KCND3: variants seen among roughly 807,000 people sequenced by gnomAD.
The protein encoded by KCND3 is potassium voltage-gated channel subfamily D member 3.
Under a neutral mutation model 51.1 loss-of-function variants are expected in KCND3, and 9 were observed. The ratio of observed to expected loss-of-function variants is 0.18; its 90% CI spans 0.11 to 0.31. The LOEUF (loss-of-function observed/expected upper bound fraction) is 0.31. Ranked by LOEUF, KCND3 falls within the 10% of genes least tolerant of loss-of-function variation. The pLI is 1.00. For missense variants in KCND3, 526 were observed against 903.8 expected, an observed-to-expected ratio of 0.58 and a Z score of 5.36; for synonymous variants, 349 against 368.0, an observed-to-expected ratio of 0.95 and a Z score of 0.59.
chr1:111,885,306 C>G (rs1669518979), intron 2 of KCND3, among the ~76,000 whole-genome samples: 1 of 152,146 alleles, frequency 6.6e-6, no homozygotes, highest in Non-Finnish European at 1.5e-5. Context: ...CCTCTACTAA[C>G]AGAACTCTTA....
intron 2 of KCND3, among the ~76,000 whole-genome samples, chr1:111,813,024 C>T (rs1424662654): frequency 6.6e-6 from 1 of 152,106 alleles, no homozygotes; most frequent in African/African-American, 2.4e-5. Flanking sequence ...GTGGGGTGCT[C>T]CCACGAGAGT....
intron 2 of KCND3, among the ~76,000 whole-genome samples, chr1:111,863,079 A>G (rs1264889231): frequency 6.6e-6 from 1 of 152,242 alleles, no homozygotes; most frequent in African/African-American, 2.4e-5. Context: ...AGGAAAATAC[A>G]TTTATTGAAT....
At chr1:111,827,247 G>A (rs1244709884) in intron 2 of KCND3, among the ~76,000 whole-genome samples, 2 of 152,242 alleles carry the variant, frequency 1.3e-5, no homozygotes, top group African/African-American at 4.8e-5. Flanking sequence ...CGCAGATGAC[G>A]GTTGGAATTG....
At chr1:111,949,988 G>A (rs1000919286) in intron 2 of KCND3, among the ~76,000 whole-genome samples, 2 of 152,178 alleles carry the variant, frequency 1.3e-5, no homozygotes, top group Non-Finnish European at 2.9e-5. Flanking sequence ...TCAGCTCACT[G>A]CAACCTCCAC....
At chr1:111,791,729 A>C (rs1664837119) in intron 2 of KCND3, among the ~76,000 whole-genome samples, 1 of 152,242 alleles carries the variant, frequency 6.6e-6, no homozygotes, top group Admixed American at 6.5e-5. Context: ...TAGGAGTCAA[A>C]AGGATTTTAA....
intron 2 of KCND3, among the ~76,000 whole-genome samples, chr1:111,963,179 C>T (rs929079577): frequency 6.6e-6 from 1 of 152,224 alleles, no homozygotes; most frequent in African/African-American, 2.4e-5. Flanking sequence ...CCCCACCATA[C>T]AGAATCATGA....
rs1220015729 is a variant in KCND3, at chr1:111,904,094, TG to T, written c.1106+77526del. 2.5e-3 allele frequency among the ~76,000 whole-genome samples: 161 copies of T among 64,230 alleles called. 1 individual carries two copies. The highest frequency in any genetic ancestry group is 3.8e-3 in the Non-Finnish European group (118 of 31,320). The allele number at this position is 64,230 out of a possible 152,430, so 42.1% of individuals were successfully genotyped here. On this transcript the variant is annotated intron_variant, in intron 2 of 7. Transcript: ENST00000302127. ...CATGTCTTTTTGGAGGTTGGTTTTT[TG>T]TTTTTTTTTTTTTTGTCCATTAACC... is the stretch of plus-strand genomic sequence containing the variant.
At chr1:111,936,210 C>T (rs973440698) in intron 2 of KCND3, among the ~76,000 whole-genome samples, 1 of 152,232 alleles carries the variant, frequency 6.6e-6, no homozygotes, top group African/African-American at 2.4e-5. Context: ...AGCTTGCAAT[C>T]TACCACTGGT....
At chr1:111,963,155 G>C (rs1373289) in intron 2 of KCND3, among the ~76,000 whole-genome samples, 152,208 of 152,364 alleles carry the variant, frequency 1, 76,026 homozygotes, top group Non-Finnish European at 1. Flanking sequence ...GAGAACTGCC[G>C]AGACAACTCA....
At chr1:111,807,394 A>G (rs1665619117) in intron 2 of KCND3, among the ~76,000 whole-genome samples, 1 of 152,162 alleles carries the variant, frequency 6.6e-6, no homozygotes, top group Non-Finnish European at 1.5e-5. Flanking sequence ...ATAACATGCT[A>G]TGGCCAGGAG....
At position 111,981,515 on chromosome 1, in the gene KCND3, A is replaced by T. The variant is rs908505269; in HGVS notation, c.1106+106T>A. 5.9e-6 allele frequency: 9 copies of T among 1,517,544 alleles called. No homozygotes were observed. The highest frequency in any genetic ancestry group is 8.2e-6 in the Non-Finnish European group (9 of 1,095,384). The allele number at this position is 1,517,544 out of a possible 1,614,324, so 94.0% of individuals were successfully genotyped here. A position where few individuals can be genotyped will look rare whatever the true frequency, so the allele number is the denominator to read the frequency against. ...TTCCCCTGCCCCCAACACTTGGGTA[A>T]GGGACTCCCTCCTCCTCTACCCATG... On this transcript the variant is annotated intron_variant, in intron 2 of 7. Coordinates refer to ENST00000302127, the MANE Select transcript of KCND3 (RefSeq NM_001378969.1). This position sits in a 1 kb window ranked among gnomAD's most constrained non-coding sequence, Gnocchi z 6.2.
chr1:111,776,991 G>C (rs373808053), intron 7 of KCND3, 35 bp downstream of exon 7: 2 of 1,612,232 alleles, frequency 1.2e-6, no homozygotes, highest in East Asian at 4.5e-5. Context: ...GGGATGATTC[G>C]AGCCTTTGCG....
chr1:111,898,156 G>A (rs1670208775), intron 2 of KCND3, among the ~76,000 whole-genome samples: 1 of 152,166 alleles, frequency 6.6e-6, no homozygotes, highest in Non-Finnish European at 1.5e-5. Flanking sequence ...TATTCTTCAG[G>A]GGGTTGAGGA....
rs575524108 is a variant in KCND3, at chr1:111,870,715, G to A, written c.1107-83609C>T. Among the ~76,000 whole-genome samples, 34 of 63,324 alleles carry A rather than the reference G, an allele frequency of 5.4e-4. 1 individual carries two copies. Among genetic ancestry groups the A allele is most frequent in the Non-Finnish European group, 1.5e-3 (27 of 18,116 alleles). The allele number at this position is 63,324 out of a possible 152,430, so 41.5% of individuals were successfully genotyped here. A position where few individuals can be genotyped will look rare whatever the true frequency, so the allele number is the denominator to read the frequency against. On this transcript the variant is annotated intron_variant, in intron 2 of 7. Transcript: ENST00000302127. ...AAGATGGTACATGGGATTGCACTCA[G>A]TGAAAGAAAAAAAAGACACAAAAAG...
At chr1:111,886,402 C>T (rs1375115547) in intron 2 of KCND3, among the ~76,000 whole-genome samples, 1 of 152,108 alleles carries the variant, frequency 6.6e-6, no homozygotes, top group East Asian at 1.9e-4. Context: ...GGCCTGGAAA[C>T]CATGAAAAAT....
intron 2 of KCND3, among the ~76,000 whole-genome samples, chr1:111,809,990 A>C (rs1278689534): frequency 6.6e-6 from 1 of 152,202 alleles, no homozygotes. Flanking sequence ...CAGCACCAGA[A>C]ATTTCAAGCA....
chr1:111,952,399 A>T (rs1571895074), intron 2 of KCND3, among the ~76,000 whole-genome samples: 2 of 152,312 alleles, frequency 1.3e-5, no homozygotes, highest in South Asian at 2.1e-4. Context: ...TAGGAAAATG[A>T]AAAGGAAACC....
At chr1:111,929,008 C>T (rs1671836518) in intron 2 of KCND3, among the ~76,000 whole-genome samples, 1 of 152,250 alleles carries the variant, frequency 6.6e-6, no homozygotes, top group African/African-American at 2.4e-5. Flanking sequence ...CTGGCAGCTG[C>T]ATTAAAACCT....
chr1:111,924,025 C>T (rs924545014), intron 2 of KCND3, among the ~76,000 whole-genome samples: 4 of 152,198 alleles, frequency 2.6e-5, no homozygotes, highest in Non-Finnish European at 5.9e-5. Context: ...GGGCCAGGAC[C>T]ACCAGCACAA....
Sources: allele counts gnomAD v4.1 joint callset (sites outside exome capture counted in the v4.1 genomes callset), GRCh38; gene constraint gnomAD v4.1.1; non-coding constraint Gnocchi (gnomAD v3.1); transcripts MANE v1.5; gene names NCBI Gene and HGNC (gene_info 2026-07-23, HGNC 2026-07-21).